Variants in MPRIP observed in about 807,000 individuals in gnomAD.
MPRIP encodes the protein myosin phosphatase Rho interacting protein, also known as myosin phosphatase Rho-interacting protein.
Under a neutral mutation model 234.9 loss-of-function variants are expected in MPRIP, and 59 were observed. That is an observed-to-expected ratio of 0.25 (90% CI 0.20 to 0.31). MPRIP has a LOEUF of 0.31. Ranked by LOEUF, MPRIP falls within the 10% of genes least tolerant of loss-of-function variation. MPRIP has a pLI of 1.00. For synonymous variants in MPRIP, 1,144 were observed against 1,263.9 expected (o/e 0.91, Z 2.01); for missense variants, 2,436 against 3,071.0 (o/e 0.79, Z 4.89).
chr17:17,131,457 A>G (rs2090595141), intron 4 of MPRIP, among the ~76,000 whole-genome samples, 160 bp from the exon 5 acceptor site: 1 of 152,306 alleles, frequency 6.6e-6, no homozygotes, highest in Middle Eastern at 3.4e-3. Context: ...TGGCAGGGTC[A>G]TTGTCCAGGC....
In MPRIP at chr17:17,164,871, C is replaced by T. The variant is rs1456527822; in HGVS notation, c.3280C>T (p.Arg1094Cys). Residue 1094 changes from arginine to cysteine, a missense_variant, in exon 16 of 24, where the codon CGC (arginine) becomes TGC (cysteine). Coordinates refer to ENST00000651222, the MANE Select transcript of MPRIP (RefSeq NM_001364716.4). ...GCTGGAGGCACGAGAGGCCAGCGTG[C>T]GCAGGCTCGCAGAGCACGTGCAGAG... ...EQLEAREASV[R>C]RLAEHVQSLC... 3 of 1,303,822 alleles carry T rather than the reference C, an allele frequency of 2.3e-6. No homozygotes were observed. The highest frequency in any genetic ancestry group is 2.3e-5 in the Admixed American group (1 of 43,554). 80.8% of individuals were successfully genotyped at this position (1,303,822 alleles called of 1,614,324 possible).
In MPRIP at chr17:17,188,771, G is replaced by C. The variant is rs965005901; in HGVS notation, c.*3877G>C. 6.6e-6 allele frequency: 1 copy of C among 152,258 alleles called. No homozygotes were observed. The highest frequency in any genetic ancestry group is 1.5e-5 in the Non-Finnish European group (1 of 68,068). The allele number at this position is 152,258 out of a possible 1,614,324, so 9.4% of individuals were successfully genotyped here. A position where few individuals can be genotyped will look rare whatever the true frequency, so the allele number is the denominator to read the frequency against. On this transcript the variant is annotated 3_prime_UTR_variant, in exon 24 of 24. Coordinates refer to ENST00000651222, the MANE Select transcript of MPRIP (RefSeq NM_001364716.4). ...TCCTGGGAGGCTGCCGGGTGCCACG[G>C]AGCTGGGACACAGCAGAGCCCGCTA...
chr17:17,135,824 C>T (rs1179866985), intron 5 of MPRIP, among the ~76,000 whole-genome samples: 5 of 152,230 alleles, frequency 3.3e-5, no homozygotes. Flanking sequence ...ACGACTCTTT[C>T]CTTCACATAG....
chr17:17,156,890 C>G (rs557355649), intron 13 of MPRIP, among the ~76,000 whole-genome samples: 28 of 152,370 alleles, frequency 1.8e-4, no homozygotes, highest in Admixed American at 5.2e-4. Context: ...GCTGCCTGGA[C>G]AGGTGACCCT....
chr17:17,103,620 G>A (rs2090006731), intron 3 of MPRIP, among the ~76,000 whole-genome samples: 1 of 152,170 alleles, frequency 6.6e-6, no homozygotes, highest in Non-Finnish European at 1.5e-5. Flanking sequence ...TGTCTCTTAA[G>A]TAATTTCCAG....
chr17:17,092,816 G>A (rs2089750556), intron 3 of MPRIP, among the ~76,000 whole-genome samples: 1 of 152,214 alleles, frequency 6.6e-6, no homozygotes, highest in Non-Finnish European at 1.5e-5. Flanking sequence ...CATCCAACTT[G>A]TGTTCTAGGA....
rs552360861 is a variant in MPRIP at position 17,048,681 on chromosome 17, A to G, written c.123+5710A>G. 5.9e-5 allele frequency among the ~76,000 whole-genome samples: 9 copies of G among 152,300 alleles called. No individual in the cohort carries two copies. In the South Asian group the frequency reaches 6.2e-4, roughly 11 times the overall value. ...TGGCTAGAATTAAAAAAATAAGAAT[A>G]TAACATGTTGGCGAGGATGTGAAGA... is the stretch of plus-strand genomic sequence containing the variant. On this transcript the variant is annotated intron_variant, in intron 1 of 23. Coordinates refer to ENST00000651222, the MANE Select transcript of MPRIP (RefSeq NM_001364716.4).
chr17:17,079,834 G>T (rs1175328186), intron 3 of MPRIP, among the ~76,000 whole-genome samples: 2 of 152,230 alleles, frequency 1.3e-5, no homozygotes, highest in Admixed American at 1.3e-4. Flanking sequence ...CTTGGTGCTG[G>T]CACAAGTGCA....
chr17:17,149,217 G>GGGGC (rs1296140852), intron 11 of MPRIP, among the ~76,000 whole-genome samples: 82 of 152,158 alleles, frequency 5.4e-4, no homozygotes, highest in African/African-American at 1.9e-3. Flanking sequence ...TTGTTGTCCG[G>GGGGC]GGGCGGTGGC....
At position 17,152,348 on chromosome 17, in the gene MPRIP, A is replaced by G. The variant is rs578092877; in HGVS notation, c.1720-1958A>G. The stretch of plus-strand genomic sequence containing the variant: ...GAGCAGCTTTCTCCAGGCAGGGCAC[A>G]CCTGAAGTCTGAGAACTCACCCCGC... On this transcript the variant is annotated intron_variant, in intron 12 of 23. Coordinates refer to ENST00000651222, the MANE Select transcript of MPRIP (RefSeq NM_001364716.4). Among the ~76,000 whole-genome samples the G allele has an allele frequency of 2.0e-5, 3 of 152,352 alleles. No individual in the cohort carries two copies. In the South Asian group the frequency reaches 6.2e-4, roughly 32 times the overall value.
rs773367883 is a variant in MPRIP, at chr17:17,075,780, G to A, written c.194G>A (p.Arg65Gln). Residue 65 changes from arginine to glutamine, a missense_variant, in exon 2 of 24, where the codon CGG becomes CAG. Physicochemically the swap from Arg to Gln is conservative, Grantham distance 43 (BLOSUM62 1). Transcript: ENST00000651222. The part of the protein sequence containing the change: ...DGTDFDNPVH[R>Q]SRKWQRRFFI... The stretch of plus-strand genomic sequence containing the variant: ...ACCGACTTTGACAACCCAGTGCACC[G>A]GTCTCGGGTAAGGGCATCAGAGCCA... 4 of 1,614,060 alleles carry A rather than the reference G, an allele frequency of 2.5e-6. No homozygotes were observed. The highest frequency in any genetic ancestry group is 1.7e-6 in the Non-Finnish European group (2 of 1,179,992).
chr17:17,101,440 G>A (rs957210092), intron 3 of MPRIP, among the ~76,000 whole-genome samples: 6 of 152,054 alleles, frequency 3.9e-5, no homozygotes, highest in African/African-American at 1.2e-4. Flanking sequence ...GGTGGCAGGC[G>A]CCTGTAATCC....
At chr17:17,106,153 G>A (rs749632529) in intron 3 of MPRIP, among the ~76,000 whole-genome samples, 5 of 152,200 alleles carry the variant, frequency 3.3e-5, no homozygotes, top group Non-Finnish European at 5.9e-5. Context: ...AGTGAGGCAC[G>A]GGGTGGCCTC....
In MPRIP at chr17:17,167,726, C is replaced by T; in HGVS notation, c.6135C>T (p.Ala2045=). 1 of 1,304,164 alleles carries T rather than the reference C, an allele frequency of 7.7e-7. No individual in the cohort carries two copies. The highest frequency in any genetic ancestry group is 1.0e-6 in the Non-Finnish European group (1 of 988,954). 80.8% of individuals were successfully genotyped at this position (1,304,164 alleles called of 1,614,324 possible). A position where few individuals can be genotyped will look rare whatever the true frequency, so the allele number is the denominator to read the frequency against. The change falls in exon 16 of 24, where the codon GCC becomes GCT. Residue 2045 remains alanine, a synonymous_variant. Transcript: ENST00000651222. The surrounding 1 kb of genome is among the most constrained non-coding windows in gnomAD (Gnocchi z 5.9). ...LCLHQGPHPK[A]LPAPAPNWQA... The stretch of plus-strand genomic sequence containing the variant: ...TCCACCAGGGGCCACACCCCAAGGC[C>T]CTGCCAGCCCCTGCCCCCAACTGGC...
intron 4 of MPRIP, among the ~76,000 whole-genome samples, chr17:17,129,212 G>A (rs1428095056): frequency 1.3e-5 from 2 of 152,082 alleles, no homozygotes; most frequent in Non-Finnish European, 2.9e-5. Flanking sequence ...GTAGGAGTTG[G>A]CAAGGGAGCT....
At chr17:17,184,106 A>G (rs2046426845) in intron 23 of MPRIP, among the ~76,000 whole-genome samples, 1 of 152,250 alleles carries the variant, frequency 6.6e-6, no homozygotes, top group African/African-American at 2.4e-5. Context: ...CATTGAGGAA[A>G]GTCTGTAAGA....
In MPRIP at chr17:17,167,486, A is replaced by G. The variant is rs1440079016; in HGVS notation, c.5895A>G (p.Thr1965=). ...VVEQLTRTES[T]LQAERSRVLS... Reference sequence around the variant, plus strand: ...AGCAGCTGACCAGGACCGAGAGCACACTGCAGGCTGAGCGCAGCCGGGTCC... The same window carrying G: ...AGCAGCTGACCAGGACCGAGAGCACGCTGCAGGCTGAGCGCAGCCGGGTCC... Residue 1965 remains threonine, a synonymous_variant, in exon 16 of 24, where the codon ACA becomes ACG. Coordinates refer to ENST00000651222, the MANE Select transcript of MPRIP (RefSeq NM_001364716.4). The surrounding 1 kb of genome is among the most constrained non-coding windows in gnomAD (Gnocchi z 5.9). The G allele has an allele frequency of 7.7e-7, 1 of 1,304,222 alleles. No homozygotes were observed. Among genetic ancestry groups the G allele is most frequent in the Non-Finnish European group, 1.0e-6 (1 of 988,964 alleles). The allele number at this position is 1,304,222 out of a possible 1,614,324, so 80.8% of individuals were successfully genotyped here. A position where few individuals can be genotyped will look rare whatever the true frequency, so the allele number is the denominator to read the frequency against.
intron 1 of MPRIP, among the ~76,000 whole-genome samples, chr17:17,053,099 CAG>C (rs1240005376): frequency 6.6e-6 from 1 of 152,006 alleles, no homozygotes; most frequent in African/African-American, 2.4e-5. Context: ...TCAGGAGCCT[CAG>C]GGCCGCGGGA....
In MPRIP at chr17:17,165,567, A is replaced by G. The variant is rs1020061837; in HGVS notation, c.3976A>G (p.Thr1326Ala). ...GVKRQRIRFS[T>A]IQCQRYIHPE... ...TAAAAGGCAAAGAATCCGGTTCTCCACAATCCAGTGCCAAAGATACATTCA... is the reference window on the plus strand; with the variant it reads ...TAAAAGGCAAAGAATCCGGTTCTCCGCAATCCAGTGCCAAAGATACATTCA... The change falls in exon 16 of 24, where the codon ACA becomes GCA. Residue 1326 changes from threonine (T) to alanine (A), a missense_variant. Physicochemically the swap from Thr to Ala is moderately conservative, Grantham distance 58. Transcript: ENST00000651222. 3.8e-6 allele frequency: 5 copies of G among 1,304,726 alleles called. No homozygotes were observed. The highest frequency in any genetic ancestry group is 5.1e-6 in the Non-Finnish European group (5 of 989,032). The allele number at this position is 1,304,726 out of a possible 1,614,324, so 80.8% of individuals were successfully genotyped here.
Sources: allele counts gnomAD v4.1 joint callset (sites outside exome capture counted in the v4.1 genomes callset), GRCh38; gene constraint gnomAD v4.1.1; non-coding constraint Gnocchi (gnomAD v3.1); transcripts MANE v1.5; gene names NCBI Gene and HGNC (gene_info 2026-07-23, HGNC 2026-07-21).